ANKRD13B: variants seen among roughly 807,000 people sequenced by gnomAD.
ANKRD13B encodes ankyrin repeat domain 13B, also known as ankyrin repeat domain-containing protein 13B.
A neutral mutation model predicts 74.4 loss-of-function variants in ANKRD13B; 33 were observed. The observed-to-expected ratio is 0.44, with a 90% CI of 0.34 to 0.59. ANKRD13B has a LOEUF of 0.59. ANKRD13B is among the 20% of genes least tolerant of loss of function. ANKRD13B has a pLI of 0.02. For missense variants in ANKRD13B, 676 were observed against 877.9 expected (o/e 0.77, Z 2.91); for synonymous variants, 341 against 362.9 (o/e 0.94, Z 0.68).
chr17:29,600,902 G>A (rs906587699), intron 1 of ANKRD13B, among the ~76,000 whole-genome samples: 47 of 151,356 alleles, frequency 3.1e-4, no homozygotes, highest in African/African-American at 1.1e-3. Context: ...TATTCTTGTG[G>A]GTTTTAAATA....
chr17:29,609,038 CA>C lies in ANKRD13B; in HGVS notation c.565+45del. 3 of 1,612,974 alleles carry C rather than the reference CA, an allele frequency of 1.9e-6. No homozygotes were observed. Among genetic ancestry groups the C allele is most frequent in the Non-Finnish European group, 2.5e-6 (3 of 1,179,896 alleles). On this transcript the variant is annotated intron_variant, in intron 5 of 14. Transcript: ENST00000394859. The surrounding 1 kb of genome is among the most constrained non-coding windows in gnomAD (Gnocchi z 4.0). ...GGGGCAGGGTGGGGACGATGGGAGGCAGCCCCAGGCCACCCCTGATCCCCCT... is the reference window on the plus strand; with the variant it reads ...GGGGCAGGGTGGGGACGATGGGAGGCGCCCCAGGCCACCCCTGATCCCCCT...
At chr17:29,607,280 C>G (rs2034423120) in intron 1 of ANKRD13B, among the ~76,000 whole-genome samples, 1 of 152,224 alleles carries the variant, frequency 6.6e-6, no homozygotes, top group African/African-American at 2.4e-5. Flanking sequence ...AAACCTCACT[C>G]AGTGATAATG....
Position 29,608,246 on chromosome 17 carries a change from C to A in ANKRD13B, c.421+6C>A. The A allele has an allele frequency of 6.2e-7, 1 of 1,614,086 alleles. No individual in the cohort carries two copies. Among genetic ancestry groups the A allele is most frequent in the Non-Finnish European group, 8.5e-7 (1 of 1,180,018 alleles). On this transcript the variant is annotated splice_donor_region_variant and intron_variant, in intron 4 of 14. Transcript: ENST00000394859. The surrounding 1 kb of genome is among the most constrained non-coding windows in gnomAD (Gnocchi z 6.4). ...ATGGGAGTTCACTAGCTGGGGTAAG[C>A]GGGCTGCAGCAGGTCGCTTCTGGGC...
intron 1 of ANKRD13B, among the ~76,000 whole-genome samples, chr17:29,598,066 G>T (rs1332310288): frequency 6.6e-6 from 1 of 152,172 alleles, no homozygotes; most frequent in Non-Finnish European, 1.5e-5. Flanking sequence ...GGGCCCTGTG[G>T]CCCTCTCCCA....
In ANKRD13B at chr17:29,612,828, G is replaced by GGGCGCGCGGGGCCACGGGAC; in HGVS notation, c.1575+14_1575+33dup. ...TGAGTATGACCAGGTGCGTCTCCGC[G>GGGCGCGCGGGGCCACGGGAC]GGCGCGCGGGGCCACGGGACTCCGC... On this transcript the variant is annotated intron_variant, in intron 13 of 14. Coordinates refer to ENST00000394859, the MANE Select transcript of ANKRD13B (RefSeq NM_152345.5). This position sits in a 1 kb window ranked among gnomAD's most constrained non-coding sequence, Gnocchi z 6.1. 3 of 1,600,092 alleles carry GGGCGCGCGGGGCCACGGGAC rather than the reference G, an allele frequency of 1.9e-6. No individual in the cohort carries two copies. The highest frequency in any genetic ancestry group is 2.5e-6 in the Non-Finnish European group (3 of 1,178,166).
Position 29,612,621 on chromosome 17 carries a change from G to A in ANKRD13B, c.1412-31G>A, listed in dbSNP as rs1331685510. The A allele has an allele frequency of 1.3e-6, 2 of 1,521,420 alleles. No individual in the cohort carries two copies. Among genetic ancestry groups the A allele is most frequent in the Non-Finnish European group, 1.8e-6 (2 of 1,137,502 alleles). 94.2% of individuals were successfully genotyped at this position (1,521,420 alleles called of 1,614,324 possible). A position where few individuals can be genotyped will look rare whatever the true frequency, so the allele number is the denominator to read the frequency against. Reference sequence around the variant, plus strand: ...GGGGTGGGTGGGAGGGGCGCGCCCGGCCGTGCCTGACCCAGCCCCCGCGCC... The same window carrying A: ...GGGGTGGGTGGGAGGGGCGCGCCCGACCGTGCCTGACCCAGCCCCCGCGCC... On this transcript the variant is annotated intron_variant, in intron 12 of 14. Transcript: ENST00000394859. This position sits in a 1 kb window ranked among gnomAD's most constrained non-coding sequence, Gnocchi z 6.1.
Position 29,609,683 on chromosome 17 carries a change from T to C in ANKRD13B, c.822+262T>C, listed in dbSNP as rs2034512987. Among the ~76,000 whole-genome samples, 1 of 152,252 alleles carries C rather than the reference T, an allele frequency of 6.6e-6. No homozygotes were observed. The highest frequency in any genetic ancestry group is 2.4e-5 in the African/African-American group (1 of 41,472). On this transcript the variant is annotated intron_variant, in intron 7 of 14. Coordinates refer to ENST00000394859, the MANE Select transcript of ANKRD13B (RefSeq NM_152345.5). The surrounding 1 kb of genome is among the most constrained non-coding windows in gnomAD (Gnocchi z 4.0). ...TCTGGTAGGTGCTGTTCTGTTAGTA[T>C]TCCCATTTTACGCATGTTTATTGAG...
At chr17:29,601,556 A>C (rs191205288) in intron 1 of ANKRD13B, among the ~76,000 whole-genome samples, 1 of 151,932 alleles carries the variant, frequency 6.6e-6, no homozygotes, top group East Asian at 1.9e-4. Flanking sequence ...ATTTTTTGGC[A>C]CTCTTCAATC....
At position 29,608,762 on chromosome 17, in the gene ANKRD13B, C is replaced by T; in HGVS notation, c.422-89C>T. The T allele has an allele frequency of 1.3e-6, 2 of 1,537,920 alleles. No individual in the cohort carries two copies. The highest frequency in any genetic ancestry group is 1.2e-5 in the South Asian group (1 of 82,324). Reference sequence around the variant, plus strand: ...TTCAGTTCCCTCCCCTGTTCCTGGCCACACGGATCCCAAACCCCATGCCCT... The same window carrying T: ...TTCAGTTCCCTCCCCTGTTCCTGGCTACACGGATCCCAAACCCCATGCCCT... On this transcript the variant is annotated intron_variant, in intron 4 of 14. Transcript: ENST00000394859. This position sits in a 1 kb window ranked among gnomAD's most constrained non-coding sequence, Gnocchi z 6.4.
chr17:29,613,553 A>G lies in ANKRD13B; in HGVS notation c.1852A>G (p.Ile618Val). 1 of 1,512,866 alleles carries G rather than the reference A, an allele frequency of 6.6e-7. No individual in the cohort carries two copies. The highest frequency in any genetic ancestry group is 8.8e-7 in the Non-Finnish European group (1 of 1,132,454). 93.7% of individuals were successfully genotyped at this position (1,512,866 alleles called of 1,614,324 possible). The part of the protein sequence containing the change: ...ARQEEEELER[I>V]LRLSLTEQ ...CCAGGAGGAGGAGGAGCTGGAGCGC[A>G]TCCTGAGGCTCTCACTGACCGAGCA... The change falls in exon 15 of 15, where the codon ATC (isoleucine) becomes GTC (valine). Residue 618 changes from isoleucine (I) to valine (V), a missense_variant. By Grantham distance (29) the Ile-to-Val change is conservative. Coordinates refer to ENST00000394859, the MANE Select transcript of ANKRD13B (RefSeq NM_152345.5).
chr17:29,606,879 T>A (rs1167667193), intron 1 of ANKRD13B, among the ~76,000 whole-genome samples: 3 of 150,624 alleles, frequency 2.0e-5, no homozygotes, highest in Non-Finnish European at 3.0e-5. Context: ...TGAAAACCCA[T>A]CTCTACTAAA....
intron 1 of ANKRD13B, among the ~76,000 whole-genome samples, chr17:29,595,860 T>A (rs569599451): frequency 6.6e-6 from 1 of 152,170 alleles, no homozygotes; most frequent in East Asian, 1.9e-4. Context: ...GTGGGAGAGT[T>A]CCCTAGCTGT....
chr17:29,612,658 G>T lies in ANKRD13B; in HGVS notation c.1418G>T (p.Cys473Phe). The T allele has an allele frequency of 6.5e-7, 1 of 1,550,174 alleles. No homozygotes were observed. The highest frequency in any genetic ancestry group is 2.3e-5 in the East Asian group (1 of 43,258). ...SVSSSSSTTS[C>F]RGCEISPALF... ...CCAGCCCCCGCGCCCCCAGCCTCCT[G>T]CCGCGGCTGCGAGATCTCCCCAGCG... Residue 473 changes from cysteine to phenylalanine, a missense_variant, in exon 13 of 15, where the codon TGC becomes TTC. By Grantham distance (205) the Cys-to-Phe change is radical. This residue lies in a region of ANKRD13B where 152 missense variants were observed against 181.4 expected (regional missense o/e 0.84). Transcript: ENST00000394859. The surrounding 1 kb of genome is among the most constrained non-coding windows in gnomAD (Gnocchi z 6.1).
At position 29,612,479 on chromosome 17, in the gene ANKRD13B, G is replaced by C. The variant is rs1380261283; in HGVS notation, c.1336G>C (p.Val446Leu). The change falls in exon 12 of 15, where the codon GTG (valine) becomes CTG (leucine). Residue 446 changes from valine to leucine, a missense_variant. Coordinates refer to ENST00000394859, the MANE Select transcript of ANKRD13B (RefSeq NM_152345.5). The surrounding 1 kb of genome is among the most constrained non-coding windows in gnomAD (Gnocchi z 6.1). ...LNGCDEPVPS[V>L]RGSPSSETPS... ...CGGCTGCGACGAACCGGTGCCATCGGTGCGAGGCAGCCCCAGCAGCGAGAC... is the reference window on the plus strand; with the variant it reads ...CGGCTGCGACGAACCGGTGCCATCGCTGCGAGGCAGCCCCAGCAGCGAGAC... 8.1e-6 allele frequency: 13 copies of C among 1,595,820 alleles called. No individual in the cohort carries two copies. Among genetic ancestry groups the C allele is most frequent in the Non-Finnish European group, 1.1e-5 (13 of 1,171,252 alleles).
At chr17:29,610,620 C>T in intron 7 of ANKRD13B, 65 bp from the exon 8 acceptor site, 4 of 1,502,068 alleles carry the variant, frequency 2.7e-6, no homozygotes, top group African/African-American at 2.7e-5. Flanking sequence ...TTCCCAGTGC[C>T]CTTAGGGGTA....
intron 1 of ANKRD13B, among the ~76,000 whole-genome samples, chr17:29,600,468 C>T (rs2034129871): frequency 6.6e-6 from 1 of 152,076 alleles, no homozygotes; most frequent in African/African-American, 2.4e-5. Flanking sequence ...GCTGGGGTTT[C>T]ACGGATCACT....
chr17:29,593,889 A>G (rs2033856680), intron 1 of ANKRD13B, 154 bp downstream of exon 1: 2 of 134,498 alleles, frequency 1.5e-5, no homozygotes, highest in Non-Finnish European at 2.5e-5. Flanking sequence ...TGACCGGGAA[A>G]GGGTGATCCC....
intron 1 of ANKRD13B, chr17:29,594,194 G>C (rs1015357200): frequency 6.6e-6 from 1 of 152,572 alleles, no homozygotes; most frequent in East Asian, 1.9e-4. Context: ...TCTCCCCAAC[G>C]GTGAGCGCTT....
At position 29,611,802 on chromosome 17, in the gene ANKRD13B, C is replaced by A; in HGVS notation, c.970-74C>A. ...CTGGCAGAGGGGACAGCTTGGGGGCCTTGTGACAACAAATGAGTTGGCCTG... is the reference window on the plus strand; with the variant it reads ...CTGGCAGAGGGGACAGCTTGGGGGCATTGTGACAACAAATGAGTTGGCCTG... On this transcript the variant is annotated intron_variant, in intron 9 of 14. Coordinates refer to ENST00000394859, the MANE Select transcript of ANKRD13B (RefSeq NM_152345.5). This position sits in a 1 kb window ranked among gnomAD's most constrained non-coding sequence, Gnocchi z 4.3. 1.3e-6 allele frequency: 2 copies of A among 1,564,590 alleles called. No individual in the cohort carries two copies. Among genetic ancestry groups the A allele is most frequent in the Non-Finnish European group, 1.7e-6 (2 of 1,152,462 alleles).
Sources: gnomAD v4.1 joint callset for allele counts (sites outside exome capture counted in the v4.1 genomes callset) on GRCh38, gnomAD v4.1.1 for gene constraint, gnomAD v4.1.1 regional missense constraint, Gnocchi (gnomAD v3.1) non-coding constraint, MANE v1.5 for transcripts, NCBI Gene and HGNC (gene_info 2026-07-23, HGNC 2026-07-21) for gene names.